The following SRP68 variants were observed in gnomAD, a reference collection of about 807,000 sequenced individuals.
SRP68 encodes the protein signal recognition particle 68, also known as signal recognition particle subunit SRP68.
A neutral mutation model predicts 82.2 loss-of-function variants in SRP68; 15 were observed. That is an observed-to-expected ratio of 0.18 (90% CI 0.12 to 0.28). The LOEUF is 0.28. Among genes scored for constraint, SRP68 ranks in the 10% least tolerant of loss-of-function variants. The probability of loss-of-function intolerance (pLI) is 1.00; values close to 1 mark genes in which losing one functional copy is unlikely to be tolerated. For synonymous variants in SRP68, 261 were observed against 292.6 expected, an observed-to-expected ratio of 0.89 and a Z score of 1.10; for missense variants, 595 against 780.5, an observed-to-expected ratio of 0.76 and a Z score of 2.83.
rs144290534 is a variant in SRP68 at position 76,064,070 on chromosome 17, A to G, written c.467T>C (p.Leu156Ser). The change falls in exon 4 of 16, where the codon TTA becomes TCA. Residue 156 changes from leucine (L) to serine (S), a missense_variant. Leu to Ser is a moderately radical substitution (Grantham distance 145, BLOSUM62 -2). Around this residue, in one of 2 missense-constraint regions of SRP68, gnomAD observed 495 missense variants for 688.6 expected, o/e 0.72. Coordinates refer to ENST00000307877, the MANE Select transcript of SRP68 (RefSeq NM_014230.4). The stretch of plus-strand genomic sequence containing the variant: ...CTTCACGGCTTTGCGTAGGCGAGAT[A>G]ACAAGTGAAACCGTTTTCGGGGTTC... The part of the protein sequence containing the change: ...NTEPRKRFHL[L>S]SRLRKAVKHA... 9 of 1,614,222 alleles carry G rather than the reference A, an allele frequency of 5.6e-6. No individual in the cohort carries two copies. Among genetic ancestry groups the G allele is most frequent in the Non-Finnish European group, 6.8e-6 (8 of 1,180,034 alleles).
chr17:76,055,210 G>A (rs545668949), intron 8 of SRP68, among the ~76,000 whole-genome samples: 10 of 151,954 alleles, frequency 6.6e-5, no homozygotes, highest in East Asian at 3.9e-4. Context: ...CAGGTAATCC[G>A]CCAGCCTTGG....
At position 76,057,429 on chromosome 17, in the gene SRP68, C is replaced by A; in HGVS notation, c.952G>T (p.Ala318Ser). Residue 318 changes from alanine to serine, a missense_variant, in exon 8 of 16, where the codon GCT becomes TCT. By Grantham distance (99) the Ala-to-Ser change is moderately conservative. Coordinates refer to ENST00000307877, the MANE Select transcript of SRP68 (RefSeq NM_014230.4). ...TGGACAATAGCTGCTTCGTTATCAGCCAGTCCTAATAAGAAAATGCGCACT... is the reference window on the plus strand; with the variant it reads ...TGGACAATAGCTGCTTCGTTATCAGACAGTCCTAATAAGAAAATGCGCACT... ...DKVRIFLLGLADNEAAIVQAE... is the reference protein window; with the variant it reads ...DKVRIFLLGLSDNEAAIVQAE... The A allele has an allele frequency of 6.2e-7, 1 of 1,614,172 alleles. No individual in the cohort carries two copies. Among genetic ancestry groups the A allele is most frequent in the Non-Finnish European group, 8.5e-7 (1 of 1,180,036 alleles).
At position 76,072,292 on chromosome 17, in the gene SRP68, G is replaced by T. The variant is rs1254237643; in HGVS notation, c.184+16C>A. The T allele has an allele frequency of 6.2e-7, 1 of 1,608,000 alleles. No individual in the cohort carries two copies. The highest frequency in any genetic ancestry group is 1.7e-5 in the Admixed American group (1 of 59,270). On this transcript the variant is annotated intron_variant, in intron 1 of 15. Coordinates refer to ENST00000307877, the MANE Select transcript of SRP68 (RefSeq NM_014230.4). The surrounding 1 kb of genome is among the most constrained non-coding windows in gnomAD (Gnocchi z 4.5). Reference sequence around the variant, plus strand: ...CACGTAATCATTGCGAGTTAGGCCCGATTACTCTAGGATACTCTCCAAACT... The same window carrying T: ...CACGTAATCATTGCGAGTTAGGCCCTATTACTCTAGGATACTCTCCAAACT...
At position 76,061,578 on chromosome 17, in the gene SRP68, T is replaced by C; in HGVS notation, c.562-4A>G. On this transcript the variant is annotated splice_region_variant and splice_polypyrimidine_tract_variant and intron_variant, in intron 4 of 15. Coordinates refer to ENST00000307877, the MANE Select transcript of SRP68 (RefSeq NM_014230.4). ...CTGAGAGGTAAGCTGTGTAAGCCTG[T>C]GAGGAGATGGAAGAGGAGGAACTGC... The C allele has an allele frequency of 6.2e-7, 1 of 1,612,858 alleles. No homozygotes were observed. The highest frequency in any genetic ancestry group is 8.5e-7 in the Non-Finnish European group (1 of 1,179,072).
intron 4 of SRP68, among the ~76,000 whole-genome samples, chr17:76,062,984 A>AT (rs2066780162): frequency 6.6e-6 from 1 of 150,558 alleles, no homozygotes; most frequent in Non-Finnish European, 1.5e-5. Flanking sequence ...GTTAGCCAGG[A>AT]TGGTCTCGAT....
In SRP68 at chr17:76,039,208, G is replaced by A. The variant is rs570440866; in HGVS notation, c.*498C>T. The A allele has an allele frequency of 2.2e-5, 8 of 364,824 alleles. No individual in the cohort carries two copies. Among genetic ancestry groups the A allele is most frequent in the African/African-American group, 8.4e-5 (4 of 47,534 alleles). 22.6% of individuals were successfully genotyped at this position (364,824 alleles called of 1,614,324 possible). On this transcript the variant is annotated 3_prime_UTR_variant, in exon 16 of 16. Coordinates refer to ENST00000307877, the MANE Select transcript of SRP68 (RefSeq NM_014230.4). ...CTCTGCTTGTCTGAAACTTCTTAGCGTTCACTGGGAGGTGAAGGGGAATAA... is the reference window on the plus strand; with the variant it reads ...CTCTGCTTGTCTGAAACTTCTTAGCATTCACTGGGAGGTGAAGGGGAATAA...
At chr17:76,059,522 T>TA (rs1444367592) in intron 7 of SRP68, among the ~76,000 whole-genome samples, 1 of 151,996 alleles carries the variant, frequency 6.6e-6, no homozygotes, top group African/African-American at 2.4e-5. Context: ...AGCCTGGCGA[T>TA]AGAGCAAGAC....
chr17:76,072,172 A>G lies in SRP68; in HGVS notation c.184+136T>C. On this transcript the variant is annotated intron_variant, in intron 1 of 15. Transcript: ENST00000307877. This position sits in a 1 kb window ranked among gnomAD's most constrained non-coding sequence, Gnocchi z 4.5. ...GACCCCCCCCGGAATTCTGAGCACC[A>G]AAAGGTAAGGGCGAGAGAAACTGCA... 6.8e-7 allele frequency: 1 copy of G among 1,469,780 alleles called. No homozygotes were observed. Among genetic ancestry groups the G allele is most frequent in the Non-Finnish European group, 9.1e-7 (1 of 1,096,280 alleles). 91.0% of individuals were successfully genotyped at this position (1,469,780 alleles called of 1,614,324 possible).
rs1211339096 is a variant in SRP68 at position 76,072,124 on chromosome 17, G to A, written c.184+184C>T. On this transcript the variant is annotated intron_variant, in intron 1 of 15. Transcript: ENST00000307877. The surrounding 1 kb of genome is among the most constrained non-coding windows in gnomAD (Gnocchi z 4.5). Reference sequence around the variant, plus strand: ...CTAGCCAGGACGGCGAGGGGGACACGAGGAAAGACTAGTCGAGAGACAGAC... The same window carrying A: ...CTAGCCAGGACGGCGAGGGGGACACAAGGAAAGACTAGTCGAGAGACAGAC... 7 of 1,185,288 alleles carry A rather than the reference G, an allele frequency of 5.9e-6. No individual in the cohort carries two copies. Among genetic ancestry groups the A allele is most frequent in the African/African-American group, 1.6e-5 (1 of 62,552 alleles). The allele number at this position is 1,185,288 out of a possible 1,614,324, so 73.4% of individuals were successfully genotyped here. A position where few individuals can be genotyped will look rare whatever the true frequency, so the allele number is the denominator to read the frequency against.
Position 76,043,914 on chromosome 17 carries a change from C to T in SRP68, c.1439G>A (p.Ser480Asn), listed in dbSNP as rs778060675. 1.2e-6 allele frequency: 2 copies of T among 1,611,192 alleles called. No homozygotes were observed. The highest frequency in any genetic ancestry group is 8.5e-7 in the Non-Finnish European group (1 of 1,179,230). The change falls in exon 13 of 16, where the codon AGC becomes AAC. Residue 480 changes from serine (S) to asparagine (N), a missense_variant. Transcript: ENST00000307877. ...TCTGTCATACAGGACAAGGGCTTCG[C>T]TCCACTTCTTCACCAGCACATAGGA... ...AQSYVLVKKWSEALVLYDRVL... is the reference protein window; with the variant it reads ...AQSYVLVKKWNEALVLYDRVL...
At chr17:76,050,008 G>A (rs760993463) in intron 9 of SRP68, among the ~76,000 whole-genome samples, 2 of 152,206 alleles carry the variant, frequency 1.3e-5, no homozygotes, top group African/African-American at 4.8e-5. Context: ...AGAAACAGGT[G>A]AAGCAACAAT....
intron 4 of SRP68, among the ~76,000 whole-genome samples, chr17:76,062,268 CAG>C (rs2066757898): frequency 7.2e-6 from 1 of 139,758 alleles, no homozygotes; most frequent in Non-Finnish European, 1.5e-5. Context: ...ATCTGGGCGA[CAG>C]AGTGAGACTC....
intron 8 of SRP68, 93 bp downstream of exon 8, chr17:76,057,310 A>G: frequency 6.7e-7 from 1 of 1,496,396 alleles, no homozygotes; most frequent in Non-Finnish European, 9.2e-7. Context: ...TTGTTTTATG[A>G]GAACTGAATA....
Position 76,061,483 on chromosome 17 carries a change from A to G in SRP68, c.644+9T>C, listed in dbSNP as rs755427420. ...AAACTGGCCACAGCCTTTGGACTATAGGACTTACTTGCATTTGTTAAAAGC... is the reference window on the plus strand; with the variant it reads ...AAACTGGCCACAGCCTTTGGACTATGGGACTTACTTGCATTTGTTAAAAGC... On this transcript the variant is annotated intron_variant, in intron 5 of 15. Transcript: ENST00000307877. 3.1e-6 allele frequency: 5 copies of G among 1,611,650 alleles called. No homozygotes were observed. The Admixed American group carries it at 5.0e-5, about 16-fold the overall frequency.
intron 2 of SRP68, 80 bp from the exon 3 acceptor site, chr17:76,067,410 A>C: frequency 5.2e-6 from 5 of 958,248 alleles, no homozygotes; most frequent in Non-Finnish European, 8.3e-6. Context: ...AGGCAAGGTC[A>C]AGGGTCAATG....
At chr17:76,051,334 G>A (rs185845441) in intron 8 of SRP68, among the ~76,000 whole-genome samples, 224 of 152,268 alleles carry the variant, frequency 1.5e-3, no homozygotes, top group Non-Finnish European at 2.9e-3. Context: ...AGATAGAAAT[G>A]GACAAAAGGC....
chr17:76,072,166 A>G lies in SRP68; in HGVS notation c.184+142T>C. 1 of 1,392,438 alleles carries G rather than the reference A, an allele frequency of 7.2e-7. No homozygotes were observed. The highest frequency in any genetic ancestry group is 2.5e-5 in the East Asian group (1 of 39,468). 86.3% of individuals were successfully genotyped at this position (1,392,438 alleles called of 1,614,324 possible). ...GAGACAGACCCCCCCCGGAATTCTGAGCACCAAAAGGTAAGGGCGAGAGAA... is the reference window on the plus strand; with the variant it reads ...GAGACAGACCCCCCCCGGAATTCTGGGCACCAAAAGGTAAGGGCGAGAGAA... On this transcript the variant is annotated intron_variant, in intron 1 of 15. Transcript: ENST00000307877. This position sits in a 1 kb window ranked among gnomAD's most constrained non-coding sequence, Gnocchi z 4.5.
intron 7 of SRP68, among the ~76,000 whole-genome samples, chr17:76,058,321 G>A (rs1006906770): frequency 4.6e-5 from 7 of 151,448 alleles, no homozygotes; most frequent in South Asian, 2.1e-4. Context: ...GGGTTTCTCC[G>A]TGTTGGTCAG....
At chr17:76,067,067 C>G in intron 3 of SRP68, 150 bp downstream of exon 3, 1 of 615,078 alleles carries the variant, frequency 1.6e-6, no homozygotes, top group Admixed American at 2.8e-5. Context: ...TCTCTTTGAG[C>G]CTCAGTTTCC....
Sources: gnomAD v4.1 joint callset for allele counts (sites outside exome capture counted in the v4.1 genomes callset) on GRCh38, gnomAD v4.1.1 for gene constraint, gnomAD v4.1.1 regional missense constraint, Gnocchi (gnomAD v3.1) non-coding constraint, MANE v1.5 for transcripts, NCBI Gene and HGNC (gene_info 2026-07-23, HGNC 2026-07-21) for gene names.